Variants in PSMA8 observed in about 807,000 individuals in gnomAD.
PSMA8 encodes proteasome 20S subunit alpha 8.
Under a neutral mutation model 32.4 loss-of-function variants are expected in PSMA8, and 18 were observed. The observed-to-expected ratio is 0.56, with a 90% CI of 0.38 to 0.82. PSMA8 has a LOEUF of 0.82. Ranked by LOEUF, PSMA8 falls within the 40% of genes least tolerant of loss-of-function variation. PSMA8 has a pLI of 0.00. For missense variants in PSMA8, 298 were observed against 300.7 expected, an observed-to-expected ratio of 0.99 and a Z score of 0.07; for synonymous variants, 104 against 98.1, an observed-to-expected ratio of 1.06 and a Z score of -0.36.
rs187368388 is a variant in PSMA8, at chr18:26,167,880, C to G, written c.477+9636C>G. ...TTTTTTTTTATTAACAAGTGTAACTCTTTATTAAGATGGAATTGTTCTTAT... is the reference window on the plus strand; with the variant it reads ...TTTTTTTTTATTAACAAGTGTAACTGTTTATTAAGATGGAATTGTTCTTAT... On this transcript the variant is annotated intron_variant, in intron 4 of 6. Transcript: ENST00000415576. Among the ~76,000 whole-genome samples, 5 of 85,582 alleles carry G rather than the reference C, an allele frequency of 5.8e-5. 1 individual carries two copies. In the East Asian group the frequency reaches 1.9e-3, roughly 33 times the overall value. The allele number at this position is 85,582 out of a possible 152,430, so 56.1% of individuals were successfully genotyped here. A position where few individuals can be genotyped will look rare whatever the true frequency, so the allele number is the denominator to read the frequency against.
At chr18:26,181,319 G>A (rs950505584) in intron 6 of PSMA8, among the ~76,000 whole-genome samples, 1 of 152,184 alleles carries the variant, frequency 6.6e-6, no homozygotes, top group African/African-American at 2.4e-5. Flanking sequence ...AAAACACTGA[G>A]TGAACTTAAT....
At chr18:26,165,971 G>A (rs1271825731) in intron 4 of PSMA8, among the ~76,000 whole-genome samples, 1 of 152,006 alleles carries the variant, frequency 6.6e-6, no homozygotes, top group Admixed American at 6.6e-5. Context: ...TCCTGGTGGT[G>A]TATGCATGTA....
rs746802613 is a variant in PSMA8 at position 26,134,079 on chromosome 18, A to G, written c.102+12A>G. 6 of 1,596,570 alleles carry G rather than the reference A, an allele frequency of 3.8e-6. No individual in the cohort carries two copies. Among genetic ancestry groups the G allele is most frequent in the Admixed American group, 1.7e-5 (1 of 59,978 alleles). On this transcript the variant is annotated intron_variant, in intron 1 of 6. Coordinates refer to ENST00000415576, the MANE Select transcript of PSMA8 (RefSeq NM_001025096.2). Reference sequence around the variant, plus strand: ...AAGGATCCACCGCGGTGAGGAAGCAACTATTACCGGACTATTCCCCGCTCT... The same window carrying G: ...AAGGATCCACCGCGGTGAGGAAGCAGCTATTACCGGACTATTCCCCGCTCT...
In PSMA8 at chr18:26,192,428, T is replaced by G. The variant is rs748496428; in HGVS notation, c.*17T>G. On this transcript the variant is annotated 3_prime_UTR_variant, in exon 7 of 7. Coordinates refer to ENST00000415576, the MANE Select transcript of PSMA8 (RefSeq NM_001025096.2). ...TCTGTCTAATTCTTAGGATGACCAC[T>G]GGGAGGTCTTAATGTTTTGTTTTAT... is the stretch of plus-strand genomic sequence containing the variant. The G allele has an allele frequency of 6.6e-7, 1 of 1,519,136 alleles. No individual in the cohort carries two copies. Among genetic ancestry groups the G allele is most frequent in the Non-Finnish European group, 8.7e-7 (1 of 1,146,248 alleles). 94.1% of individuals were successfully genotyped at this position (1,519,136 alleles called of 1,614,324 possible).
chr18:26,180,264 G>A (rs1328109720), intron 6 of PSMA8, among the ~76,000 whole-genome samples: 1 of 152,130 alleles, frequency 6.6e-6, no homozygotes, highest in African/African-American at 2.4e-5. Flanking sequence ...TTATTTTGAA[G>A]ATTGTTTTAC....
At chr18:26,141,841 A>G (rs1273756016) in intron 1 of PSMA8, among the ~76,000 whole-genome samples, 3 of 149,076 alleles carry the variant, frequency 2.0e-5, no homozygotes, top group East Asian at 4.0e-4. Context: ...TGCACACACC[A>G]TGCTCGGCTA....
Position 26,144,548 on chromosome 18 carries a change from T to C in PSMA8, c.103-11T>C, listed in dbSNP as rs779457109. Reference sequence around the variant, plus strand: ...ACATCTGAATATATATGTATTTTAATGACTTGACAGGTCGGAATTCGAGGT... The same window carrying C: ...ACATCTGAATATATATGTATTTTAACGACTTGACAGGTCGGAATTCGAGGT... On this transcript the variant is annotated splice_polypyrimidine_tract_variant and intron_variant, in intron 1 of 6. Transcript: ENST00000415576. The C allele has an allele frequency of 2.5e-6, 4 of 1,608,572 alleles. No individual in the cohort carries two copies. The highest frequency in any genetic ancestry group is 1.7e-5 in the Admixed American group (1 of 59,872).
At chr18:26,185,523 CT>C (rs972917738) in intron 6 of PSMA8, among the ~76,000 whole-genome samples, 8 of 150,764 alleles carry the variant, frequency 5.3e-5, no homozygotes, top group South Asian at 4.2e-4. Context: ...GAGAACTTCC[CT>C]AACTCTGGAA....
chr18:26,149,535 A>G (rs1007657233), intron 2 of PSMA8, among the ~76,000 whole-genome samples: 1 of 152,244 alleles, frequency 6.6e-6, no homozygotes, highest in African/African-American at 2.4e-5. Flanking sequence ...AAGCTACTAC[A>G]AAGATACAGT....
At position 26,134,289 on chromosome 18, in the gene PSMA8, A is replaced by G. The variant is rs550933975; in HGVS notation, c.102+222A>G. On this transcript the variant is annotated intron_variant, in intron 1 of 6. Coordinates refer to ENST00000415576, the MANE Select transcript of PSMA8 (RefSeq NM_001025096.2). ...AGATTTCCCCTATCTCTGCTGTTCA[A>G]CTGCCTCTGTTTCATGGTAGCTACA... is the stretch of plus-strand genomic sequence containing the variant. Among the ~76,000 whole-genome samples the G allele has an allele frequency of 4.2e-4, 64 of 151,894 alleles. 1 individual carries two copies. The South Asian group carries it at 0.013, about 30-fold the overall frequency.
chr18:26,167,087 A>G (rs1317402276), intron 4 of PSMA8, among the ~76,000 whole-genome samples: 1 of 152,206 alleles, frequency 6.6e-6, no homozygotes, highest in Non-Finnish European at 1.5e-5. Context: ...ACTATTAGAA[A>G]TTAAAACTGA....
chr18:26,166,343 T>G (rs1407899738), intron 4 of PSMA8, among the ~76,000 whole-genome samples: 1 of 152,226 alleles, frequency 6.6e-6, no homozygotes, highest in Non-Finnish European at 1.5e-5. Flanking sequence ...TTTCACTGCA[T>G]GGACACATAC....
intron 3 of PSMA8, among the ~76,000 whole-genome samples, chr18:26,152,298 T>A (rs1342606916): frequency 6.6e-6 from 1 of 152,036 alleles, no homozygotes; most frequent in Non-Finnish European, 1.5e-5. Context: ...GAGAAGTACC[T>A]TTTTTGTTTT....
At chr18:26,134,337 G>GT (rs770324328) in intron 1 of PSMA8, among the ~76,000 whole-genome samples, 8 of 146,136 alleles carry the variant, frequency 5.5e-5, no homozygotes, top group African/African-American at 1.8e-4. Context: ...GGGTGTGTGT[G>GT]TGGGTGTGTG....
Position 26,133,942 on chromosome 18 carries a change from G to T in PSMA8, c.-24G>T. ...CAGCTGCAGCAGCGGGAAGCTCGGT[G>T]GCAAGCCCTTGTAGTCCTGTGCGAT... On this transcript the variant is annotated 5_prime_UTR_variant, in exon 1 of 7. Coordinates refer to ENST00000415576, the MANE Select transcript of PSMA8 (RefSeq NM_001025096.2). The T allele has an allele frequency of 6.3e-7, 1 of 1,595,700 alleles. No homozygotes were observed.
intron 6 of PSMA8, among the ~76,000 whole-genome samples, chr18:26,185,497 C>T (rs1184515551): frequency 6.6e-6 from 1 of 150,620 alleles, no homozygotes; most frequent in African/African-American, 2.5e-5. Flanking sequence ...TTCCTGTTAA[C>T]CTTTTATAGG....
chr18:26,179,138 A>G lies in PSMA8; in HGVS notation c.660+8A>G. 7 of 1,603,504 alleles carry G rather than the reference A, an allele frequency of 4.4e-6. No homozygotes were observed. Among genetic ancestry groups the G allele is most frequent in the Non-Finnish European group, 6.0e-6 (7 of 1,173,400 alleles). ...AGAAATCAACCTTTGAAGGTAAGTC[A>G]TTAACCAAAGAGGAAAAAGTATCTG... is the stretch of plus-strand genomic sequence containing the variant. On this transcript the variant is annotated splice_region_variant and intron_variant, in intron 6 of 6. Coordinates refer to ENST00000415576, the MANE Select transcript of PSMA8 (RefSeq NM_001025096.2).
intron 2 of PSMA8, among the ~76,000 whole-genome samples, chr18:26,145,803 A>G (rs1291326439): frequency 6.6e-6 from 1 of 152,222 alleles, no homozygotes; most frequent in African/African-American, 2.4e-5. Context: ...ACTATTGTAA[A>G]TAATGCCTCT....
At chr18:26,185,543 C>T (rs750451311) in intron 6 of PSMA8, among the ~76,000 whole-genome samples, 1 of 150,662 alleles carries the variant, frequency 6.6e-6, no homozygotes, top group Non-Finnish European at 1.5e-5. Flanking sequence ...AATGTAAGTC[C>T]TTCCCTTCAA....
Sources: allele counts gnomAD v4.1 joint callset (sites outside exome capture counted in the v4.1 genomes callset), GRCh38; gene constraint gnomAD v4.1.1; transcripts MANE v1.5; gene names NCBI Gene and HGNC (gene_info 2026-07-23, HGNC 2026-07-21).